The following RAB38 variants were observed in gnomAD, a reference collection of about 807,000 sequenced individuals.
RAB38 encodes the protein ras-related protein Rab-38.
In RAB38, 15 loss-of-function variants were observed where a neutral mutation model predicts 18.4. The ratio of observed to expected loss-of-function variants is 0.82; its 90% CI spans 0.55 to 1.26. RAB38 has a LOEUF of 1.26. RAB38 is among the 50% of genes most tolerant of loss of function. RAB38 has a pLI of 0.00. For missense variants in RAB38, 294 were observed against 267.4 expected (o/e 1.10, Z -0.69); for synonymous variants, 101 against 104.4 (o/e 0.97, Z 0.20).
downstream of RAB38, among the ~76,000 whole-genome samples, chr11:88,110,373 A>T (rs559333213): frequency 6.6e-6 from 1 of 151,966 alleles, no homozygotes; most frequent in Non-Finnish European, 1.5e-5. Flanking sequence ...GGCCTGTCAG[A>T]GGGTGGGGGG....
chr11:87,976,822 A>C, the RAB38 span, among the ~76,000 whole-genome samples: 3 of 75,858 alleles, frequency 4.0e-5, no homozygotes, highest in African/African-American at 1.8e-4. Context: ...ATATTATACA[A>C]TGTATAATAT....
intron 1 of RAB38, among the ~76,000 whole-genome samples, chr11:88,168,950 C>T (rs762530675): frequency 7.2e-5 from 11 of 152,202 alleles, no homozygotes; most frequent in Non-Finnish European, 1.0e-4. Context: ...GTTCTCATCA[C>T]AGCATGTGTA....
chr11:88,050,952 T>C, the RAB38 span, among the ~76,000 whole-genome samples: 7 of 152,194 alleles, frequency 4.6e-5, 1 homozygote, highest in African/African-American at 1.4e-4. Context: ...TGTAGAAATA[T>C]ACAGCAAAGG....
chr11:87,919,236 T>A, the RAB38 span, among the ~76,000 whole-genome samples: 1 of 152,052 alleles, frequency 6.6e-6, no homozygotes, highest in African/African-American at 2.4e-5. Flanking sequence ...GAGTATGAGT[T>A]TAGCTATTAA....
chr11:88,096,639 T>G, the RAB38 span, among the ~76,000 whole-genome samples: 2 of 151,802 alleles, frequency 1.3e-5, no homozygotes, highest in Admixed American at 6.6e-5. Flanking sequence ...AAGAAATAAT[T>G]CTTTAACAAC....
At chr11:87,970,408 C>A in the RAB38 span, among the ~76,000 whole-genome samples, 147 of 151,984 alleles carry the variant, frequency 9.7e-4, no homozygotes, top group Middle Eastern at 6.8e-3. Context: ...GTGTTTTGCA[C>A]TAATTTTGCT....
the RAB38 span, among the ~76,000 whole-genome samples, chr11:87,818,221 A>G: frequency 2.0e-5 from 3 of 152,186 alleles, no homozygotes; most frequent in African/African-American, 7.2e-5. Flanking sequence ...TAGTTTGGGA[A>G]CTACTGCCCT....
the RAB38 span, among the ~76,000 whole-genome samples, chr11:87,820,015 T>G: frequency 6.6e-6 from 1 of 152,068 alleles, no homozygotes; most frequent in Admixed American, 6.6e-5. Flanking sequence ...TGCTGAAATA[T>G]CCTAAAAAAT....
the RAB38 span, among the ~76,000 whole-genome samples, chr11:87,868,805 C>T: frequency 6.6e-6 from 1 of 151,564 alleles, no homozygotes; most frequent in South Asian, 2.1e-4. Flanking sequence ...TGTACCATCC[C>T]AGCTGCTTTG....
chr11:88,003,985 A>G, the RAB38 span, among the ~76,000 whole-genome samples: 1 of 128,266 alleles, frequency 7.8e-6, no homozygotes, highest in Non-Finnish European at 1.6e-5. Flanking sequence ...ATATGCATAT[A>G]GGTATATATA....
chr11:87,812,137 A>G, the RAB38 span, among the ~76,000 whole-genome samples: 12 of 152,232 alleles, frequency 7.9e-5, no homozygotes, highest in Non-Finnish European at 1.0e-4. Flanking sequence ...AGGAATTAGT[A>G]TCTCAACTTT....
At chr11:88,159,489 A>T (rs1466646754) in intron 1 of RAB38, among the ~76,000 whole-genome samples, 1 of 151,976 alleles carries the variant, frequency 6.6e-6, no homozygotes, top group Admixed American at 6.6e-5. Context: ...AACTATCCTA[A>T]AATTCTTATG....
chr11:88,031,530 G>A, the RAB38 span, among the ~76,000 whole-genome samples: 2 of 151,970 alleles, frequency 1.3e-5, no homozygotes, highest in Non-Finnish European at 2.9e-5. Context: ...CTTCAGCAAT[G>A]TCTCAGGATA....
chr11:88,011,525 A>C, the RAB38 span, among the ~76,000 whole-genome samples: 1 of 152,202 alleles, frequency 6.6e-6, no homozygotes, highest in East Asian at 1.9e-4. Flanking sequence ...ATACAAAGCC[A>C]TGTGCTCTTA....
chr11:88,043,524 T>C, the RAB38 span, among the ~76,000 whole-genome samples: 2 of 151,986 alleles, frequency 1.3e-5, no homozygotes, highest in African/African-American at 4.8e-5. Context: ...GTTCCTGCCT[T>C]AACTGAGGAC....
the RAB38 span, among the ~76,000 whole-genome samples, chr11:87,811,037 A>G: frequency 2.7e-5 from 4 of 150,392 alleles, no homozygotes; most frequent in East Asian, 7.7e-4. Context: ...TGTCAAAAAG[A>G]GGGCGTTTAA....
At chr11:88,031,176 A>C in the RAB38 span, among the ~76,000 whole-genome samples, 7 of 152,244 alleles carry the variant, frequency 4.6e-5, no homozygotes, top group African/African-American at 9.6e-5. Flanking sequence ...CAAAATTCAA[A>C]AACGCTTCAT....
the RAB38 span, among the ~76,000 whole-genome samples, chr11:87,976,396 C>A: frequency 1.5e-5 from 2 of 135,840 alleles, no homozygotes; most frequent in African/African-American, 5.4e-5. Flanking sequence ...TATATATACA[C>A]ATATTTATAT....
chr11:87,946,758 T>TG, the RAB38 span, among the ~76,000 whole-genome samples: 5,800 of 151,534 alleles, frequency 0.038, 204 homozygotes, highest in East Asian at 0.15. Flanking sequence ...CCATGGTGTA[T>TG]ATGTGCCACA....
Sources: allele counts gnomAD v4.1 joint callset (sites outside exome capture counted in the v4.1 genomes callset), GRCh38; gene constraint gnomAD v4.1.1; transcripts MANE v1.5; gene names NCBI Gene and HGNC (gene_info 2026-07-23, HGNC 2026-07-21).